The following EVC2 variants were observed in gnomAD, a reference collection of about 807,000 sequenced individuals.
EVC2 encodes the protein EvC ciliary complex subunit 2.
EVC2 carries 148 observed loss-of-function variants against 149.3 expected under a neutral mutation model. The ratio of observed to expected loss-of-function variants is 0.99; its 90% CI spans 0.87 to 1.14. EVC2 has a LOEUF of 1.14. EVC2 is among the 50% of genes most tolerant of loss of function. The probability of loss-of-function intolerance (pLI) is 0.00; values close to 1 mark genes in which losing one functional copy is unlikely to be tolerated. For synonymous variants in EVC2, 776 were observed against 649.9 expected (o/e 1.19, Z -2.95); for missense variants, 1,854 against 1,627.3 (o/e 1.14, Z -2.40).
chr4:5,701,654 T>A (rs555717540), intron 1 of EVC2, among the ~76,000 whole-genome samples: 1 of 152,308 alleles, frequency 6.6e-6, no homozygotes, highest in African/African-American at 2.4e-5. Context: ...ATACACTGAC[T>A]ATTCCCCCAT....
At chr4:5,650,085 C>T (rs1377343441) in intron 9 of EVC2, among the ~76,000 whole-genome samples, 3 of 152,164 alleles carry the variant, frequency 2.0e-5, no homozygotes, top group African/African-American at 7.2e-5. Flanking sequence ...GACAATTTTG[C>T]TCTTAAAGAT....
Position 5,613,046 on chromosome 4 carries a change from C to A in EVC2, c.2829+2376G>T, listed in dbSNP as rs907994179. On this transcript the variant is annotated intron_variant, in intron 16 of 21. Transcript: ENST00000344408. This position sits in a 1 kb window ranked among gnomAD's most constrained non-coding sequence, Gnocchi z 4.6. The stretch of plus-strand genomic sequence containing the variant: ...CCAGCCTTGAGCCACTGGGTGGGAG[C>A]GGTGCGGTCTGCACCTGATGTCCCC... Among the ~76,000 whole-genome samples the A allele has an allele frequency of 6.6e-6, 1 of 151,492 alleles. No homozygotes were observed. Among genetic ancestry groups the A allele is most frequent in the African/African-American group, 2.4e-5 (1 of 41,144 alleles).
At position 5,562,850 on chromosome 4, in the gene EVC2, A is replaced by C; in HGVS notation, c.3925T>G (p.Ter1309GluextTer10). Residue 1309 changes from the stop codon to glutamate (E), a stop_lost, in exon 22 of 22, where the codon TAG (stop) becomes GAG (glutamate). Transcript: ENST00000344408. The surrounding 1 kb of genome is among the most constrained non-coding windows in gnomAD (Gnocchi z 4.3). ...KKAMRALGMD[*>E] ...CTCCCGCAGGTCTTTCCCTTGGGCTAGTCCATGCCCAAGGCCCTCATGGCC... is the reference window on the plus strand; with the variant it reads ...CTCCCGCAGGTCTTTCCCTTGGGCTCGTCCATGCCCAAGGCCCTCATGGCC... 1 of 1,613,880 alleles carries C rather than the reference A, an allele frequency of 6.2e-7. No homozygotes were observed. Among genetic ancestry groups the C allele is most frequent in the Non-Finnish European group, 8.5e-7 (1 of 1,180,030 alleles).
Position 5,662,374 on chromosome 4 carries a change from C to T in EVC2, c.1145+733G>A, listed in dbSNP as rs187702133. 1.1e-4 allele frequency among the ~76,000 whole-genome samples: 16 copies of T among 150,724 alleles called. No individual in the cohort carries two copies. In the South Asian group the frequency reaches 1.5e-3, roughly 14 times the overall value. On this transcript the variant is annotated intron_variant, in intron 9 of 21. Coordinates refer to ENST00000344408, the MANE Select transcript of EVC2 (RefSeq NM_147127.5). ...AGTTTACCTATATAACAAACCTACACGCATATCCCTAAACTTAAAAGTTAA... is the reference window on the plus strand; with the variant it reads ...AGTTTACCTATATAACAAACCTACATGCATATCCCTAAACTTAAAAGTTAA...
chr4:5,650,409 G>T (rs1004650686), intron 9 of EVC2, among the ~76,000 whole-genome samples: 4 of 151,814 alleles, frequency 2.6e-5, no homozygotes, highest in Non-Finnish European at 5.9e-5. Context: ...GGAAGCATGG[G>T]CTTGGAAGTC....
intron 7 of EVC2, among the ~76,000 whole-genome samples, chr4:5,673,215 ACTACTGTTGTTGG>A (rs1299950198): frequency 6.6e-6 from 1 of 152,230 alleles, no homozygotes; most frequent in Non-Finnish European, 1.5e-5. Context: ...CGCTATTGCT[ACTACTGTTGTTGG>A]CTGGTGGGAA....
intron 21 of EVC2, among the ~76,000 whole-genome samples, chr4:5,553,311 C>G (rs543639158): frequency 2.8e-4 from 43 of 152,104 alleles, no homozygotes; most frequent in African/African-American, 9.9e-4. Flanking sequence ...GAGGACAGTA[C>G]CAAAGGGGAT....
rs1188693099 is a variant in EVC2, at chr4:5,625,578, C to T, written c.2046+171G>A. Among the ~76,000 whole-genome samples, 1 of 152,214 alleles carries T rather than the reference C, an allele frequency of 6.6e-6. No homozygotes were observed. The highest frequency in any genetic ancestry group is 2.4e-5 in the African/African-American group (1 of 41,458). ...AAGAATTGTAGCATCCTGCTGAACA[C>T]AGCATTCCAAAAAGTCGCTACCAAT... On this transcript the variant is annotated intron_variant, in intron 13 of 21. Coordinates refer to ENST00000344408, the MANE Select transcript of EVC2 (RefSeq NM_147127.5). This position sits in a 1 kb window ranked among gnomAD's most constrained non-coding sequence, Gnocchi z 4.0.
intron 9 of EVC2, among the ~76,000 whole-genome samples, chr4:5,653,889 A>T (rs1718317500): frequency 6.6e-6 from 1 of 152,182 alleles, no homozygotes; most frequent in African/African-American, 2.4e-5. Flanking sequence ...GATGCCAAGA[A>T]TCTGGAGCTG....
chr4:5,588,664 G>A (rs924104582), intron 16 of EVC2, among the ~76,000 whole-genome samples: 3 of 151,998 alleles, frequency 2.0e-5, no homozygotes, highest in Non-Finnish European at 4.4e-5. Context: ...TCACACACAT[G>A]TGTATGTGTG....
chr4:5,708,689 G>A, upstream of EVC2: 9 of 487,978 alleles, frequency 1.8e-5, no homozygotes, highest in South Asian at 3.8e-4. Flanking sequence ...ACGGGCGTGG[G>A]AGGGGGAGAG....
chr4:5,666,355 T>C (rs1017545634), intron 7 of EVC2, among the ~76,000 whole-genome samples: 1 of 152,216 alleles, frequency 6.6e-6, no homozygotes, highest in African/African-American at 2.4e-5. Context: ...AGTAAAGTAA[T>C]TGGATCCAAT....
intron 16 of EVC2, among the ~76,000 whole-genome samples, chr4:5,585,748 C>A (rs890718752): frequency 6.6e-6 from 1 of 152,198 alleles, no homozygotes; most frequent in Non-Finnish European, 1.5e-5. Flanking sequence ...CCCCTGCCCC[C>A]CACTTAGCAA....
In EVC2 at chr4:5,632,005, G is replaced by T. The variant is rs148248777; in HGVS notation, c.1498C>A (p.Arg500=). ...RSAVECSNLL[R]TLHGLEQEHL... is the part of the protein sequence containing the mutation. Reference sequence around the variant, plus strand: ...TCCTGTTCCAGGCCATGGAGGGTCCGCAGAAGGTTGCTGCACTCTACAGCA... The same window carrying T: ...TCCTGTTCCAGGCCATGGAGGGTCCTCAGAAGGTTGCTGCACTCTACAGCA... The change falls in exon 11 of 22, where the codon CGG becomes AGG. Residue 500 remains arginine (R), a synonymous_variant. Coordinates refer to ENST00000344408, the MANE Select transcript of EVC2 (RefSeq NM_147127.5). 22 of 1,614,030 alleles carry T rather than the reference G, an allele frequency of 1.4e-5. No homozygotes were observed. Among genetic ancestry groups the T allele is most frequent in the Middle Eastern group, 1.6e-4 (1 of 6,066 alleles).
chr4:5,671,264 C>T (rs371482661), intron 7 of EVC2, among the ~76,000 whole-genome samples: 2 of 152,190 alleles, frequency 1.3e-5, no homozygotes, highest in Non-Finnish European at 2.9e-5. Flanking sequence ...TTCATACCCC[C>T]GCTGCCTCTC....
chr4:5,656,120 C>T (rs1406134879), intron 9 of EVC2, among the ~76,000 whole-genome samples: 1 of 152,166 alleles, frequency 6.6e-6, no homozygotes. Context: ...GAATCTCCAC[C>T]AAATGGTCCA....
chr4:5,656,094 C>A (rs1718502531), intron 9 of EVC2, among the ~76,000 whole-genome samples: 1 of 152,150 alleles, frequency 6.6e-6, no homozygotes, highest in African/African-American at 2.4e-5. Context: ...TGTGAGTCTC[C>A]TCTTGCATGA....
At chr4:5,632,593 C>A (rs1577184665) in intron 10 of EVC2, among the ~76,000 whole-genome samples, 1 of 152,182 alleles carries the variant, frequency 6.6e-6, no homozygotes, top group Non-Finnish European at 1.5e-5. Context: ...GATTATTTCT[C>A]CTATCTTTCA....
At chr4:5,611,230 G>C (rs898935408) in intron 16 of EVC2, among the ~76,000 whole-genome samples, 1 of 152,132 alleles carries the variant, frequency 6.6e-6, no homozygotes, top group African/African-American at 2.4e-5. Flanking sequence ...TCACATGCCT[G>C]GTGGTGGACC....
Sources: gnomAD v4.1 joint callset for allele counts (sites outside exome capture counted in the v4.1 genomes callset) on GRCh38, gnomAD v4.1.1 for gene constraint, Gnocchi (gnomAD v3.1) non-coding constraint, MANE v1.5 for transcripts, NCBI Gene and HGNC (gene_info 2026-07-23, HGNC 2026-07-21) for gene names.